The following LDLRAD3 variants were observed in gnomAD, a reference collection of about 807,000 sequenced individuals.
LDLRAD3 encodes the protein low density lipoprotein receptor class A domain containing 3.
In LDLRAD3, 20 loss-of-function variants were observed where a neutral mutation model predicts 29.4. The observed-to-expected ratio is 0.68, with a 90% CI of 0.48 to 0.99. The LOEUF (loss-of-function observed/expected upper bound fraction) is 0.99, where lower values mean the gene tolerates loss of function less well. Among genes scored for constraint, LDLRAD3 ranks in the 50% least tolerant of loss-of-function variants. The pLI is 0.00. For missense variants in LDLRAD3, 420 were observed against 454.3 expected (o/e 0.92, Z 0.69); for synonymous variants, 157 against 192.7 (o/e 0.81, Z 1.53).
At chr11:36,048,247 C>G (rs1364264695) in intron 2 of LDLRAD3, among the ~76,000 whole-genome samples, 1 of 152,164 alleles carries the variant, frequency 6.6e-6, no homozygotes, top group African/African-American at 2.4e-5. Flanking sequence ...AAATTAGCAC[C>G]TCCTCTTCCC....
chr11:36,220,716 G>C (rs1855415476), intron 4 of LDLRAD3, among the ~76,000 whole-genome samples: 1 of 152,112 alleles, frequency 6.6e-6, no homozygotes, highest in Admixed American at 6.5e-5. Context: ...ACAGACCCCT[G>C]GTTTCCAGAG....
intron 2 of LDLRAD3, among the ~76,000 whole-genome samples, chr11:36,059,004 ACCTCC>A (rs1313787536): frequency 6.6e-6 from 1 of 151,622 alleles, no homozygotes; most frequent in East Asian, 1.9e-4. Context: ...TGCTTCCTTT[ACCTCC>A]CTCTGTGCCT....
At chr11:36,177,120 T>G (rs1590333362) in intron 4 of LDLRAD3, among the ~76,000 whole-genome samples, 1 of 152,288 alleles carries the variant, frequency 6.6e-6, no homozygotes, top group East Asian at 1.9e-4. Flanking sequence ...AAATTTCCAG[T>G]TTATTTTGCA....
chr11:36,087,964 C>A (rs1413446682), intron 3 of LDLRAD3, among the ~76,000 whole-genome samples: 1 of 151,862 alleles, frequency 6.6e-6, no homozygotes, highest in Non-Finnish European at 1.5e-5. Context: ...AGAAATCCAC[C>A]CTGCTTGGCC....
chr11:36,177,965 T>G (rs545295128), intron 4 of LDLRAD3, among the ~76,000 whole-genome samples: 5 of 152,164 alleles, frequency 3.3e-5, no homozygotes, highest in Non-Finnish European at 5.9e-5. Context: ...GAGTTTTTGT[T>G]TTTTGGCTGT....
chr11:36,126,775 T>C (rs1219697216), intron 4 of LDLRAD3, among the ~76,000 whole-genome samples: 1 of 152,220 alleles, frequency 6.6e-6, no homozygotes, highest in Non-Finnish European at 1.5e-5. Context: ...TTAATTTCTG[T>C]TGAAAGGAAG....
chr11:36,230,136 G>A lies in LDLRAD3; in HGVS notation c.*739G>A, dbSNP rs1240899157. The A allele has an allele frequency of 6.6e-6, 1 of 152,232 alleles. No individual in the cohort carries two copies. Among genetic ancestry groups the A allele is most frequent in the Non-Finnish European group, 1.5e-5 (1 of 68,070 alleles). 9.4% of individuals were successfully genotyped at this position (152,232 alleles called of 1,614,324 possible). A position where few individuals can be genotyped will look rare whatever the true frequency, so the allele number is the denominator to read the frequency against. On this transcript the variant is annotated 3_prime_UTR_variant, in exon 6 of 6. Transcript: ENST00000315571. ...AAAATAGGCAGGGAGCCCCTCCCAT[G>A]AGTTTATCCAAGTTCTCAGCTCCTA... is the stretch of plus-strand genomic sequence containing the variant.
chr11:35,965,934 A>G (rs966592626), intron 1 of LDLRAD3, among the ~76,000 whole-genome samples: 4 of 152,178 alleles, frequency 2.6e-5, no homozygotes, highest in African/African-American at 9.7e-5. Flanking sequence ...TTTATAGCAG[A>G]TCCTGACTGT....
chr11:36,115,053 A>T (rs760976193), intron 4 of LDLRAD3, among the ~76,000 whole-genome samples: 2 of 152,190 alleles, frequency 1.3e-5, no homozygotes, highest in Non-Finnish European at 2.9e-5. Flanking sequence ...CCCTCTTGAG[A>T]GCTTCAGCCA....
chr11:35,950,068 G>A (rs938399973), intron 1 of LDLRAD3, among the ~76,000 whole-genome samples: 19 of 152,226 alleles, frequency 1.2e-4, no homozygotes, highest in African/African-American at 4.6e-4. Flanking sequence ...AGGGGTAGGC[G>A]AAGCCATGTA....
At chr11:36,110,850 G>C (rs1853595618) in intron 4 of LDLRAD3, among the ~76,000 whole-genome samples, 1 of 152,172 alleles carries the variant, frequency 6.6e-6, no homozygotes, top group African/African-American at 2.4e-5. Context: ...GGCAAGGAGT[G>C]ACAGTTTTTC....
At chr11:36,117,816 A>G (rs1308800402) in intron 4 of LDLRAD3, among the ~76,000 whole-genome samples, 1 of 152,238 alleles carries the variant, frequency 6.6e-6, no homozygotes, top group African/African-American at 2.4e-5. Context: ...ATATGGTGGT[A>G]AAATTCAGAT....
intron 4 of LDLRAD3, among the ~76,000 whole-genome samples, chr11:36,106,053 G>T (rs1284884704): frequency 1.3e-5 from 2 of 152,208 alleles, no homozygotes; most frequent in African/African-American, 4.8e-5. Flanking sequence ...CTGGACAGTT[G>T]CCGGTAAAGA....
chr11:36,042,234 C>T (rs1011130636), intron 2 of LDLRAD3, among the ~76,000 whole-genome samples: 1 of 152,140 alleles, frequency 6.6e-6, no homozygotes, highest in South Asian at 2.1e-4. Flanking sequence ...TAAACTTGCA[C>T]TGCAGGGCAA....
At position 36,081,775 on chromosome 11, in the gene LDLRAD3, T is replaced by G. The variant is rs1201924272; in HGVS notation, c.316T>G (p.Cys106Gly). ...DCPDGSDEEN[C>G]TANPLLCSTA... ...TCCCGATGGCAGCGATGAAGAGAAC[T>G]GCAGTAAGTGCTGCGCACTTGAACA... Residue 106 changes from cysteine (C) to glycine (G), a missense_variant, in exon 3 of 6, where the codon TGC becomes GGC. By Grantham distance (159) the Cys-to-Gly change is radical (BLOSUM62 -3). This residue lies in a region of LDLRAD3 where 224 missense variants were observed against 222.2 expected (regional missense o/e 1.01). Transcript: ENST00000315571. The G allele has an allele frequency of 6.2e-6, 10 of 1,614,216 alleles. No individual in the cohort carries two copies. Among genetic ancestry groups the G allele is most frequent in the Non-Finnish European group, 7.6e-6 (9 of 1,180,016 alleles).
chr11:35,968,360 G>T, intron 1 of LDLRAD3: 1 of 363,794 alleles, frequency 2.7e-6, no homozygotes, highest in South Asian at 2.7e-5. Flanking sequence ...CTGGCTCAGC[G>T]GGCTTTTGGG....
chr11:36,145,382 G>C (rs1161479689), intron 4 of LDLRAD3, among the ~76,000 whole-genome samples: 2 of 92,606 alleles, frequency 2.2e-5, no homozygotes, highest in African/African-American at 1.1e-4. Context: ...GGAGGGAGGT[G>C]GGGGGGTCAG....
chr11:35,988,350 G>A (rs55659738), intron 1 of LDLRAD3, among the ~76,000 whole-genome samples: 4,617 of 152,110 alleles, frequency 0.03, 262 homozygotes, highest in African/African-American at 0.11. Context: ...ATGAGCCAGT[G>A]TGCCTGGCTG....
chr11:36,103,581 C>T (rs1178122865), intron 4 of LDLRAD3, among the ~76,000 whole-genome samples: 3 of 152,138 alleles, frequency 2.0e-5, no homozygotes, highest in East Asian at 1.9e-4. Flanking sequence ...CCTGGACTCA[C>T]TTACTCAGGG....
Sources: allele counts gnomAD v4.1 joint callset (sites outside exome capture counted in the v4.1 genomes callset), GRCh38; gene constraint gnomAD v4.1.1; regional missense constraint gnomAD v4.1.1; transcripts MANE v1.5; gene names NCBI Gene and HGNC (gene_info 2026-07-23, HGNC 2026-07-21).